RANBP2: variants seen among roughly 807,000 people sequenced by gnomAD.
RANBP2 encodes RAN binding protein 2, also known as E3 SUMO-protein ligase RanBP2.
A neutral mutation model predicts 303.6 loss-of-function variants in RANBP2; 57 were observed. The ratio of observed to expected loss-of-function variants is 0.19; its 90% confidence interval spans 0.15 to 0.23. The LOEUF (loss-of-function observed/expected upper bound fraction) is 0.23. Among genes scored for constraint, RANBP2 ranks in the 10% least tolerant of loss-of-function variants. The probability of loss-of-function intolerance (pLI) is 1.00; values close to 1 mark genes in which losing one functional copy is unlikely to be tolerated. For missense variants in RANBP2, 3,138 were observed against 3,780.8 expected, an observed-to-expected ratio of 0.83 and a Z score of 4.46; for synonymous variants, 1,167 against 1,301.5, an observed-to-expected ratio of 0.90 and a Z score of 2.23.
At chr2:109,331,544 G>A in the RANBP2 span, among the ~76,000 whole-genome samples, 1 of 151,992 alleles carries the variant, frequency 6.6e-6, no homozygotes, top group Non-Finnish European at 1.5e-5. Flanking sequence ...AACCCCCACC[G>A]CCTTCCAATC....
At chr2:109,592,832 CAGAATATTGTGGATACTCAATTA>C in the RANBP2 span, among the ~76,000 whole-genome samples, 1 of 151,552 alleles carries the variant, frequency 6.6e-6, no homozygotes, top group East Asian at 1.9e-4. Flanking sequence ...TCCTTAATGT[CAGAATATTGTGGATACTCAATTA>C]AGAATATTGT....
chr2:108,859,583 AT>A, the RANBP2 span, among the ~76,000 whole-genome samples: 3 of 150,980 alleles, frequency 2.0e-5, no homozygotes, highest in Non-Finnish European at 4.4e-5. Flanking sequence ...GTATATTGTG[AT>A]TTTCTTTGTT....
chr2:109,387,707 T>C, the RANBP2 span, among the ~76,000 whole-genome samples: 1 of 152,216 alleles, frequency 6.6e-6, no homozygotes, highest in East Asian at 1.9e-4. Context: ...CAACGTCCTC[T>C]ATGTAATGAA....
chr2:109,051,529 T>C, the RANBP2 span, among the ~76,000 whole-genome samples: 1 of 152,186 alleles, frequency 6.6e-6, no homozygotes, highest in African/African-American at 2.4e-5. Context: ...AATGTGTATT[T>C]TCAAAGTTTC....
chr2:109,742,841 T>C, the RANBP2 span, among the ~76,000 whole-genome samples: 279 of 148,504 alleles, frequency 1.9e-3, 22 homozygotes, highest in South Asian at 0.04. Context: ...TAGCAGAAGA[T>C]TAAATGAACA....
chr2:108,912,601 C>A, the RANBP2 span: 1 of 1,353,612 alleles, frequency 7.4e-7, no homozygotes, highest in South Asian at 1.2e-5. Context: ...CACTCATGAT[C>A]ATTTCCTCTC....
At position 108,768,013 on chromosome 2, in the gene RANBP2, A is replaced by G. The variant is rs2693103; in HGVS notation, c.7474A>G (p.Thr2492Ala). ...VIQGDDVADA[T>A]SEVEVSSTSE... ...TCAGGGTGATGATGTAGCAGATGCA[A>G]CTTCAGAAGTTGAAGTGTCTAGCAC... Residue 2492 changes from threonine to alanine, a missense_variant, in exon 20 of 29, where the codon ACT becomes GCT. Thr to Ala is a moderately conservative substitution (Grantham distance 58). Coordinates refer to ENST00000283195, the MANE Select transcript of RANBP2 (RefSeq NM_006267.5). 1.6e-4 allele frequency: 263 copies of G among 1,611,876 alleles called. No homozygotes were observed. The East Asian group carries it at 2.5e-3, about 15-fold the overall frequency.
At chr2:109,324,446 A>G in the RANBP2 span, among the ~76,000 whole-genome samples, 1 of 152,218 alleles carries the variant, frequency 6.6e-6, no homozygotes, top group Admixed American at 6.5e-5. Context: ...CATCTTTGTC[A>G]ACATTCATTA....
At chr2:109,283,750 T>C in the RANBP2 span, among the ~76,000 whole-genome samples, 1 of 152,354 alleles carries the variant, frequency 6.6e-6, no homozygotes, top group South Asian at 2.1e-4. Flanking sequence ...ACAGAGGTGC[T>C]ACGTGCTGGA....
the RANBP2 span, among the ~76,000 whole-genome samples, chr2:108,958,858 T>C: frequency 3.1e-5 from 4 of 127,008 alleles, no homozygotes; most frequent in African/African-American, 1.5e-4. Context: ...TCCAGGCTCA[T>C]GGCTGGCTGG....
Position 108,753,488 on chromosome 2 carries a change from A to C in RANBP2, c.1980A>C (p.Val660=), listed in dbSNP as rs1188308664. The change falls in exon 14 of 29, where the codon GTA becomes GTC. Residue 660 remains valine, a synonymous_variant. Transcript: ENST00000283195. ...TAACTTTTGCTATATTGGATGCAGT[A>C]AATGGAAATATAGAAGATGCTGTGA... The part of the protein sequence containing the change: ...AHITFAILDA[V]NGNIEDAVTA... 1.9e-6 allele frequency: 3 copies of C among 1,611,978 alleles called. No individual in the cohort carries two copies. The highest frequency in any genetic ancestry group is 4.5e-5 in the East Asian group (2 of 44,852).
At chr2:109,687,934 T>C in the RANBP2 span, among the ~76,000 whole-genome samples, 23 of 152,066 alleles carry the variant, frequency 1.5e-4, no homozygotes, top group Admixed American at 1.5e-3. Context: ...TTAACAGAGA[T>C]GGGCTTTTCG....
the RANBP2 span, among the ~76,000 whole-genome samples, chr2:109,671,080 G>T: frequency 6.6e-6 from 1 of 152,228 alleles, no homozygotes; most frequent in African/African-American, 2.4e-5. Flanking sequence ...GCATGACAAG[G>T]TGATGCTGTA....
At chr2:109,407,837 G>A in the RANBP2 span, among the ~76,000 whole-genome samples, 3 of 152,186 alleles carry the variant, frequency 2.0e-5, no homozygotes, top group African/African-American at 7.2e-5. Context: ...TACCAATCCT[G>A]GCCTTTAAGT....
At chr2:108,741,951 A>G (rs1323986491) in intron 7 of RANBP2, among the ~76,000 whole-genome samples, 2 of 151,944 alleles carry the variant, frequency 1.3e-5, no homozygotes, top group Non-Finnish European at 2.9e-5. Flanking sequence ...TGGGGAGGGA[A>G]AAAAAGGATT....
At chr2:108,911,909 C>T in the RANBP2 span, among the ~76,000 whole-genome samples, 2 of 152,334 alleles carry the variant, frequency 1.3e-5, no homozygotes, top group South Asian at 2.1e-4. Context: ...TGGGGAATAC[C>T]TGTAATAGCG....
chr2:109,185,385 C>CT, the RANBP2 span, among the ~76,000 whole-genome samples: 14 of 152,140 alleles, frequency 9.2e-5, no homozygotes, highest in Non-Finnish European at 7.4e-5. Flanking sequence ...GACAGCTGTG[C>CT]TTTTTATCAC....
the RANBP2 span, among the ~76,000 whole-genome samples, chr2:108,848,378 G>A: frequency 1.3e-5 from 2 of 152,216 alleles, no homozygotes; most frequent in Admixed American, 1.3e-4. Flanking sequence ...ATATTGGGAA[G>A]GAGTAGAGAA....
At chr2:109,474,800 A>G in the RANBP2 span, among the ~76,000 whole-genome samples, 1 of 152,232 alleles carries the variant, frequency 6.6e-6, no homozygotes. Context: ...GCACAGCAGG[A>G]CTGACAGCAA....
Sources: allele counts gnomAD v4.1 joint callset (sites outside exome capture counted in the v4.1 genomes callset), GRCh38; gene constraint gnomAD v4.1.1; transcripts MANE v1.5; gene names NCBI Gene and HGNC (gene_info 2026-07-23, HGNC 2026-07-21).